GFRA2: variants seen among roughly 807,000 people sequenced by gnomAD.
The protein encoded by GFRA2 is GDNF family receptor alpha-2.
GFRA2 carries 17 observed loss-of-function variants against 48.3 expected under a neutral mutation model. The observed-to-expected ratio is 0.35, with a 90% CI of 0.24 to 0.53. The LOEUF is 0.53. Ranked by LOEUF, GFRA2 falls within the 20% of genes least tolerant of loss-of-function variation. GFRA2 has a pLI of 0.93. For missense variants in GFRA2, 660 were observed against 637.3 expected, an observed-to-expected ratio of 1.04 and a Z score of -0.38; for synonymous variants, 305 against 257.2, an observed-to-expected ratio of 1.19 and a Z score of -1.78.
intron 3 of GFRA2, among the ~76,000 whole-genome samples, chr8:21,756,396 C>T (rs186678905): frequency 6.6e-5 from 10 of 152,262 alleles, no homozygotes; most frequent in Admixed American, 2.0e-4. Context: ...GGCCGGATGA[C>T]GGGAGAAAAG....
intron 2 of GFRA2, among the ~76,000 whole-genome samples, chr8:21,777,516 C>T (rs1029321571): frequency 2.0e-5 from 3 of 152,140 alleles, no homozygotes; most frequent in African/African-American, 4.8e-5. Flanking sequence ...TGAGAAATCC[C>T]GAGGTGTGAG....
rs1274578672 is a variant in GFRA2 at position 21,781,979 on chromosome 8, A to G, written c.355+606T>C. 2.7e-5 allele frequency among the ~76,000 whole-genome samples: 4 copies of G among 147,300 alleles called. No homozygotes were observed. The East Asian group carries it at 6.1e-4, about 23-fold the overall frequency. The stretch of plus-strand genomic sequence containing the variant: ...CCCTGTAGAAGGTGATAGGTCAGCC[A>G]TGGGGTCCAGAAGCCACATGAAGGG... On this transcript the variant is annotated intron_variant, in intron 2 of 8. Coordinates refer to ENST00000524240, the MANE Select transcript of GFRA2 (RefSeq NM_001495.5).
Position 21,704,966 on chromosome 8 carries a change from G to C in GFRA2, c.1045+19C>G. The C allele has an allele frequency of 6.3e-7, 1 of 1,597,350 alleles. No individual in the cohort carries two copies. The highest frequency in any genetic ancestry group is 8.6e-7 in the Non-Finnish European group (1 of 1,168,816). ...GGTGGGAGGGGCTGCTGGGGTTGGG[G>C]AGAACATCCAGAACTTACGGAGGCA... is the stretch of plus-strand genomic sequence containing the variant. On this transcript the variant is annotated intron_variant, in intron 6 of 8. Transcript: ENST00000524240.
intron 8 of GFRA2, among the ~76,000 whole-genome samples, chr8:21,694,071 T>TATATATATATATATA (rs1563209393): frequency 7.0e-5 from 5 of 71,048 alleles, no homozygotes; most frequent in African/African-American, 2.7e-4. Flanking sequence ...ATATATTTAT[T>TATATATATATATATA]TATTTTTATA....
intron 4 of GFRA2, among the ~76,000 whole-genome samples, chr8:21,741,449 C>T (rs184698539): frequency 1.8e-4 from 28 of 152,278 alleles, no homozygotes; most frequent in Admixed American, 1.8e-3. Flanking sequence ...TCTATTTCCA[C>T]ATCCTGCTCA....
At chr8:21,727,101 A>G (rs1382907671) in intron 4 of GFRA2, among the ~76,000 whole-genome samples, 2 of 152,152 alleles carry the variant, frequency 1.3e-5, no homozygotes, top group East Asian at 3.9e-4. Flanking sequence ...CCGGGTGGAC[A>G]TAAATGTTGG....
chr8:21,806,350 T>G (rs1424106991), intron 1 of GFRA2, among the ~76,000 whole-genome samples: 1 of 152,204 alleles, frequency 6.6e-6, no homozygotes, highest in Non-Finnish European at 1.5e-5. Flanking sequence ...ATTCAACACT[T>G]TGTTATAAAA....
chr8:21,740,613 G>T (rs910636355), intron 4 of GFRA2, among the ~76,000 whole-genome samples: 1 of 152,170 alleles, frequency 6.6e-6, no homozygotes, highest in African/African-American at 2.4e-5. Context: ...TGCCAGGCAG[G>T]TTCCCAGTGC....
intron 4 of GFRA2, among the ~76,000 whole-genome samples, chr8:21,730,501 C>A (rs1483262780): frequency 6.6e-6 from 1 of 152,200 alleles, no homozygotes; most frequent in African/African-American, 2.4e-5. Context: ...CGGCCCCTAT[C>A]TGCACCACAG....
chr8:21,784,547 A>AGCGG (rs1482992778), intron 1 of GFRA2, among the ~76,000 whole-genome samples: 1 of 152,180 alleles, frequency 6.6e-6, no homozygotes, highest in Non-Finnish European at 1.5e-5. Context: ...CGCGCTGCAC[A>AGCGG]GCGGGCCTTC....
intron 1 of GFRA2, among the ~76,000 whole-genome samples, chr8:21,806,542 C>T (rs1027668101): frequency 6.6e-6 from 1 of 152,140 alleles, no homozygotes. Flanking sequence ...CATAGCTCAC[C>T]GCAGCCCAGG....
intron 4 of GFRA2, among the ~76,000 whole-genome samples, chr8:21,740,620 G>A (rs568520937): frequency 2.0e-5 from 3 of 152,168 alleles, no homozygotes; most frequent in African/African-American, 7.2e-5. Flanking sequence ...CAGGTTCCCA[G>A]TGCCTCCTCT....
At position 21,705,129 on chromosome 8, in the gene GFRA2, G is replaced by A; in HGVS notation, c.905-4C>T. On this transcript the variant is annotated splice_region_variant and splice_polypyrimidine_tract_variant and intron_variant, in intron 5 of 8. Coordinates refer to ENST00000524240, the MANE Select transcript of GFRA2 (RefSeq NM_001495.5). ...TAGTTAGGTGTCATGTCAAACCCTGGGCAGGAAGAAAGGTGGGGGAGAGGA... is the reference window on the plus strand; with the variant it reads ...TAGTTAGGTGTCATGTCAAACCCTGAGCAGGAAGAAAGGTGGGGGAGAGGA... 6.2e-7 allele frequency: 1 copy of A among 1,607,638 alleles called. No individual in the cohort carries two copies. Among genetic ancestry groups the A allele is most frequent in the Non-Finnish European group, 8.5e-7 (1 of 1,177,472 alleles).
At chr8:21,742,785 G>A (rs923146105) in intron 4 of GFRA2, among the ~76,000 whole-genome samples, 3 of 152,310 alleles carry the variant, frequency 2.0e-5, no homozygotes, top group African/African-American at 7.2e-5. Context: ...ACCACTCAGA[G>A]ATGCCTGGGT....
intron 4 of GFRA2, among the ~76,000 whole-genome samples, chr8:21,707,950 GTTA>G (rs1462578897): frequency 1.3e-5 from 2 of 152,220 alleles, no homozygotes; most frequent in Non-Finnish European, 2.9e-5. Context: ...CTGACAAGCA[GTTA>G]TTATTATCCC....
Position 21,750,748 on chromosome 8 carries a change from G to A in GFRA2, c.634C>T (p.Pro212Ser), listed in dbSNP as rs769908261. 2 of 1,613,984 alleles carry A rather than the reference G, an allele frequency of 1.2e-6. No individual in the cohort carries two copies. The highest frequency in any genetic ancestry group is 1.6e-4 in the Middle Eastern group (1 of 6,062). ...AGCATGCGGTAGGTGTACTCGCTGG[G>A]CACCCGGTCGAAGAACTGGCGCAGG... ...KALRQFFDRV[P>S]SEYTYRMLFC... is the part of the protein sequence containing the mutation. Residue 212 changes from proline (P) to serine (S), a missense_variant, in exon 4 of 9, where the codon CCC (proline) becomes TCC (serine). Transcript: ENST00000524240. This position sits in a 1 kb window ranked among gnomAD's most constrained non-coding sequence, Gnocchi z 5.7.
chr8:21,805,192 G>A (rs1252585505), intron 1 of GFRA2: 2 of 152,176 alleles, frequency 1.3e-5, no homozygotes. Context: ...CATGTTTTAA[G>A]TTCCTACCTT....
At chr8:21,699,999 G>A (rs1424979801) in intron 7 of GFRA2, among the ~76,000 whole-genome samples, 1 of 152,210 alleles carries the variant, frequency 6.6e-6, no homozygotes, top group Non-Finnish European at 1.5e-5. Flanking sequence ...GGAGCCCAGA[G>A]CAGGCGGAAG....
At chr8:21,752,617 G>A (rs1390204303) in intron 3 of GFRA2, among the ~76,000 whole-genome samples, 3 of 151,880 alleles carry the variant, frequency 2.0e-5, no homozygotes, top group African/African-American at 4.8e-5. Context: ...ACCCCCGGAC[G>A]AGACCTCTGC....
Sources: gnomAD v4.1 joint callset for allele counts (sites outside exome capture counted in the v4.1 genomes callset) on GRCh38, gnomAD v4.1.1 for gene constraint, Gnocchi (gnomAD v3.1) non-coding constraint, MANE v1.5 for transcripts, NCBI Gene and HGNC (gene_info 2026-07-23, HGNC 2026-07-21) for gene names.